Variants in ABI3BP observed in about 807,000 individuals in gnomAD.
The protein encoded by ABI3BP is ABI family member 3 binding protein.
A neutral mutation model predicts 268.6 loss-of-function variants in ABI3BP; 216 were observed. The observed-to-expected ratio is 0.80, with a 90% CI of 0.72 to 0.90. The LOEUF (loss-of-function observed/expected upper bound fraction) is 0.90, where lower values mean the gene tolerates loss of function less well. Among genes scored for constraint, ABI3BP ranks in the 40% least tolerant of loss-of-function variants. The pLI, the probability that ABI3BP is intolerant of heterozygous loss-of-function variation, is 0.00. For missense variants in ABI3BP, 2,090 were observed against 2,182.4 expected (o/e 0.96, Z 0.84); for synonymous variants, 730 against 730.0 (o/e 1.00, Z 0.00).
At chr3:100,871,602 T>C (rs1245323267) in intron 9 of ABI3BP, among the ~76,000 whole-genome samples, 3 of 152,212 alleles carry the variant, frequency 2.0e-5, no homozygotes, top group African/African-American at 7.2e-5. Flanking sequence ...GGACTTTGCC[T>C]GCACAAGAGC....
At chr3:100,894,894 G>C (rs1344969384) in intron 4 of ABI3BP, among the ~76,000 whole-genome samples, 9 of 126,500 alleles carry the variant, frequency 7.1e-5, no homozygotes, top group African/African-American at 2.4e-4. Context: ...AGCCGAGATC[G>C]CGCCTCTGCA....
Position 100,820,355 on chromosome 3 carries a change from G to A in ABI3BP, c.2948-52C>T, listed in dbSNP as rs1292670778. On this transcript the variant is annotated intron_variant, in intron 39 of 67. Coordinates refer to ENST00000471714, the MANE Select transcript of ABI3BP (RefSeq NM_001375547.2). ...ACAGAGTCCGTAGCTCCGAAGCTAT[G>A]AGTAGCATGACATACGGTTTGAGAT... The A allele has an allele frequency of 6.6e-6, 9 of 1,373,256 alleles. No homozygotes were observed. In the South Asian group the frequency reaches 9.0e-5, roughly 14 times the overall value. 85.1% of individuals were successfully genotyped at this position (1,373,256 alleles called of 1,614,324 possible). A position where few individuals can be genotyped will look rare whatever the true frequency, so the allele number is the denominator to read the frequency against.
In ABI3BP at chr3:100,770,907, G is replaced by A; in HGVS notation, c.4577C>T (p.Ser1526Phe). ...GAACCGTTTGACAGAGTCAGTAATG[G>A]AGCAGGGACTGTTGTCAGGCTTTTG... ...YIQKPDNSPC[S>F]ITDSVKRFPK... Residue 1526 changes from serine to phenylalanine, a missense_variant, in exon 62 of 68, where the codon TCC becomes TTC. Transcript: ENST00000471714. The A allele has an allele frequency of 6.3e-7, 1 of 1,599,590 alleles. No individual in the cohort carries two copies. Among genetic ancestry groups the A allele is most frequent in the Non-Finnish European group, 8.5e-7 (1 of 1,173,020 alleles).
chr3:100,850,619 TGA>T (rs1580449421), intron 16 of ABI3BP, 39 bp downstream of exon 16: 3 of 1,470,838 alleles, frequency 2.0e-6, no homozygotes, highest in Non-Finnish European at 2.8e-6. Flanking sequence ...TTTTTTTTTT[TGA>T]TGGAAAATAA....
chr3:100,840,006 G>A, intron 23 of ABI3BP, 66 bp downstream of exon 23: 1 of 1,326,430 alleles, frequency 7.5e-7, no homozygotes, highest in African/African-American at 1.5e-5. Flanking sequence ...TCAAGTAGCT[G>A]ATATCAAACC....
At chr3:100,867,498 G>A (rs889973406) in intron 9 of ABI3BP, among the ~76,000 whole-genome samples, 1 of 151,576 alleles carries the variant, frequency 6.6e-6, no homozygotes, top group African/African-American at 2.4e-5. Flanking sequence ...AAAATTAGCC[G>A]GGTGTGGTGG....
chr3:100,935,658 C>G (rs1584059041), intron 1 of ABI3BP, among the ~76,000 whole-genome samples: 1 of 152,228 alleles, frequency 6.6e-6, no homozygotes, highest in Non-Finnish European at 1.5e-5. Context: ...CTTCCTTGAG[C>G]AGTGGTTTGT....
intron 28 of ABI3BP, 113 bp from the exon 29 acceptor site, chr3:100,834,886 T>C: frequency 9.8e-7 from 1 of 1,023,518 alleles, no homozygotes; most frequent in South Asian, 1.7e-5. Context: ...ATTTGTCTCT[T>C]TGGTTTAGAA....
chr3:100,874,778 C>T, intron 9 of ABI3BP, 63 bp downstream of exon 9: 3 of 979,064 alleles, frequency 3.1e-6, no homozygotes, highest in East Asian at 2.7e-5. Context: ...TTTGGATTTC[C>T]TAAGAATATC....
At chr3:100,850,505 G>T (rs1336376633) in intron 16 of ABI3BP, among the ~76,000 whole-genome samples, 155 bp downstream of exon 16, 1 of 151,928 alleles carries the variant, frequency 6.6e-6, no homozygotes, top group African/African-American at 2.4e-5. Context: ...CGTAAAAGAT[G>T]ACTGCATTTA....
At chr3:100,788,945 G>T (rs957758920) in intron 56 of ABI3BP, among the ~76,000 whole-genome samples, 1 of 152,046 alleles carries the variant, frequency 6.6e-6, no homozygotes, top group Non-Finnish European at 1.5e-5. Context: ...TCCAATGAGG[G>T]TAATCCTAGG....
At chr3:100,973,123 A>G (rs1042162332) in intron 1 of ABI3BP, among the ~76,000 whole-genome samples, 5 of 152,200 alleles carry the variant, frequency 3.3e-5, no homozygotes, top group Non-Finnish European at 7.3e-5. Flanking sequence ...GTTTCTGAGC[A>G]CAAGAAGGCT....
intron 1 of ABI3BP, among the ~76,000 whole-genome samples, chr3:100,934,663 A>G (rs2065217048): frequency 6.6e-6 from 1 of 152,108 alleles, no homozygotes; most frequent in Non-Finnish European, 1.5e-5. Flanking sequence ...TGACTTTTTA[A>G]TGATCACCAT....
At chr3:100,790,116 A>G (rs544575576) in intron 55 of ABI3BP, among the ~76,000 whole-genome samples, 37 of 151,926 alleles carry the variant, frequency 2.4e-4, no homozygotes, top group African/African-American at 8.7e-4. Context: ...AAAGAGGACA[A>G]GCAAGGAGCA....
intron 61 of ABI3BP, 126 bp from the exon 62 acceptor site, chr3:100,771,078 T>A: frequency 1.2e-6 from 1 of 830,062 alleles, no homozygotes; most frequent in Non-Finnish European, 1.7e-6. Flanking sequence ...AAAGCCATGA[T>A]GTGGATGGTT....
At chr3:100,846,635 A>G (rs935863306) in intron 19 of ABI3BP, 189 bp from the exon 20 acceptor site, 4 of 439,814 alleles carry the variant, frequency 9.1e-6, no homozygotes, top group Admixed American at 3.8e-5. Flanking sequence ...AGTTAATTTT[A>G]TCTTGTTTAG....
At chr3:100,770,664 T>G (rs761678762) in intron 62 of ABI3BP, 79 bp downstream of exon 62, 15 of 1,325,082 alleles carry the variant, frequency 1.1e-5, no homozygotes, top group Non-Finnish European at 1.4e-5. Context: ...CATGTCAACG[T>G]TGACCCAGGG....
intron 2 of ABI3BP, among the ~76,000 whole-genome samples, chr3:100,910,441 G>A (rs1177566337): frequency 6.6e-6 from 1 of 151,864 alleles, no homozygotes; most frequent in Non-Finnish European, 1.5e-5. Context: ...TATCAGTTTA[G>A]GAGAATTTTA....
intron 4 of ABI3BP, among the ~76,000 whole-genome samples, chr3:100,895,397 C>T (rs117974326): frequency 6.6e-6 from 1 of 152,122 alleles, no homozygotes; most frequent in African/African-American, 2.4e-5. Flanking sequence ...TACTTCCAAG[C>T]TAAAAACAAA....
Sources: gnomAD v4.1 joint callset for allele counts (sites outside exome capture counted in the v4.1 genomes callset) on GRCh38, gnomAD v4.1.1 for gene constraint, MANE v1.5 for transcripts, NCBI Gene and HGNC (gene_info 2026-07-23, HGNC 2026-07-21) for gene names.